SLC3A1: variants seen among roughly 807,000 people sequenced by gnomAD.
SLC3A1 encodes the protein solute carrier family 3 member 1, also known as amino acid transporter heavy chain SLC3A1.
Under a neutral mutation model 60.3 loss-of-function variants are expected in SLC3A1, and 78 were observed. The observed-to-expected ratio is 1.29, with a 90% CI of 1.08 to 1.56. The LOEUF is 1.56. Ranked by LOEUF, SLC3A1 falls within the 40% of genes most tolerant of loss-of-function variation. The probability of loss-of-function intolerance (pLI) is 0.00; values close to 1 mark genes in which losing one functional copy is unlikely to be tolerated. For missense variants in SLC3A1, 1,172 were observed against 858.9 expected (o/e 1.36, Z -4.56); for synonymous variants, 392 against 307.9 (o/e 1.27, Z -2.86).
At chr2:44,322,033 A>G (rs1673014122), downstream of SLC3A1, 2 of 859,640 alleles carry the variant, frequency 2.3e-6, no homozygotes, top group African/African-American at 3.4e-5. Context: ...AAAAACCACC[A>G]TCATCAACAA....
At chr2:44,293,660 G>A (rs2104352922) in intron 4 of SLC3A1, among the ~76,000 whole-genome samples, 1 of 152,330 alleles carries the variant, frequency 6.6e-6, no homozygotes, top group African/African-American at 2.4e-5. Context: ...GGTAAGGTGA[G>A]CAAGAGGGCC....
In SLC3A1 at chr2:44,314,117, T is replaced by C; in HGVS notation, c.1617+166T>C. ...TTGTAAGGAGTTTGTAAATCATGCC[T>C]TTGTGAAAATACAAACTGGTACAAA... is the stretch of plus-strand genomic sequence containing the variant. On this transcript the variant is annotated intron_variant, in intron 9 of 9. Transcript: ENST00000260649. The C allele has an allele frequency of 2.0e-6, 3 of 1,486,942 alleles. No individual in the cohort carries two copies. The South Asian group carries it at 3.7e-5, about 18-fold the overall frequency. The allele number at this position is 1,486,942 out of a possible 1,614,324, so 92.1% of individuals were successfully genotyped here. A position where few individuals can be genotyped will look rare whatever the true frequency, so the allele number is the denominator to read the frequency against.
At chr2:44,290,162 C>T (rs1671710363) in intron 4 of SLC3A1, among the ~76,000 whole-genome samples, 3 of 125,702 alleles carry the variant, frequency 2.4e-5, no homozygotes, top group South Asian at 2.5e-4. Flanking sequence ...TTCAGTTATT[C>T]CAATCACGTA....
At chr2:44,288,779 A>G (rs1023965520) in intron 4 of SLC3A1, among the ~76,000 whole-genome samples, 2 of 152,210 alleles carry the variant, frequency 1.3e-5, no homozygotes, top group Admixed American at 6.5e-5. Flanking sequence ...GTTCATTTGT[A>G]TATCTGCATT....
At chr2:44,286,886 G>A (rs1210739909) in intron 4 of SLC3A1, among the ~76,000 whole-genome samples, 3 of 152,130 alleles carry the variant, frequency 2.0e-5, no homozygotes, top group African/African-American at 7.2e-5. Flanking sequence ...AGGGAGGTGG[G>A]TCATTTGGGG....
At position 44,320,782 on chromosome 2, in the gene SLC3A1, G is replaced by C; in HGVS notation, c.*143G>C. On this transcript the variant is annotated 3_prime_UTR_variant, in exon 10 of 10. Transcript: ENST00000260649. The stretch of plus-strand genomic sequence containing the variant: ...GCTTGAATGTAACTGCTTTAAGAAA[G>C]GTTCTCAAATGTTTTGAAAAAAATA... 1.4e-6 allele frequency: 1 copy of C among 722,238 alleles called. No individual in the cohort carries two copies. The highest frequency in any genetic ancestry group is 1.6e-5 in the South Asian group (1 of 61,776). 44.7% of individuals were successfully genotyped at this position (722,238 alleles called of 1,614,324 possible). A position where few individuals can be genotyped will look rare whatever the true frequency, so the allele number is the denominator to read the frequency against.
chr2:44,283,587 T>G (rs986288379), intron 3 of SLC3A1, among the ~76,000 whole-genome samples: 1 of 152,196 alleles, frequency 6.6e-6, no homozygotes, highest in Non-Finnish European at 1.5e-5. Flanking sequence ...TTTTAAAAAT[T>G]GCTGCCATAC....
intron 7 of SLC3A1, among the ~76,000 whole-genome samples, chr2:44,304,902 G>C (rs1672115397): frequency 7.2e-6 from 1 of 138,130 alleles, no homozygotes; most frequent in Non-Finnish European, 1.5e-5. Context: ...GCTCACTGCA[G>C]CCTCGACCTC....
At chr2:44,317,896 CAAAA>C in intron 9 of SLC3A1, 1 of 221,836 alleles carries the variant, frequency 4.5e-6, no homozygotes, top group Admixed American at 5.6e-5. Flanking sequence ...ACTCAGATAA[CAAAA>C]ACAGACATAA....
intron 9 of SLC3A1, chr2:44,317,548 T>C (rs1672525934): frequency 1.3e-5 from 2 of 152,286 alleles, no homozygotes; most frequent in African/African-American, 2.4e-5. Flanking sequence ...ATATAGAACA[T>C]TTCCAGCATT....
intron 3 of SLC3A1, among the ~76,000 whole-genome samples, chr2:44,283,439 C>T (rs73924295): frequency 0.013 from 1,978 of 152,278 alleles, 19 homozygotes; most frequent in Middle Eastern, 0.034. Context: ...GTTTTATATT[C>T]ATTAATTTAG....
chr2:44,284,449 A>G (rs1402399709), intron 3 of SLC3A1, among the ~76,000 whole-genome samples: 1 of 152,200 alleles, frequency 6.6e-6, no homozygotes, highest in Admixed American at 6.5e-5. Context: ...GCTCTACAGG[A>G]TAGTGTCAAA....
chr2:44,301,379 T>A, intron 6 of SLC3A1: 1 of 605,804 alleles, frequency 1.7e-6, no homozygotes, highest in Non-Finnish European at 2.9e-6. Context: ...TTTGTGAAAA[T>A]TAGGTTAATG....
rs142431533 is a variant in SLC3A1 at position 44,304,494 on chromosome 2, G to C, written c.1332+156G>C. 5.2e-3 allele frequency among the ~76,000 whole-genome samples: 786 copies of C among 152,270 alleles called. 2 individuals carry two copies. The highest frequency in any genetic ancestry group is 0.021 in the South Asian group (103 of 4,830). On this transcript the variant is annotated intron_variant, in intron 7 of 9. Coordinates refer to ENST00000260649, the MANE Select transcript of SLC3A1 (RefSeq NM_000341.4). ...TCAGGCCTGTCACAGCCTCTGCCAG[G>C]TTCTTTTCATTAAGGGAGGGAGACT...
chr2:44,312,781 T>TCACAGCTATAAAACCAA, intron 8 of SLC3A1, 28 bp downstream of exon 8: 1 of 1,592,530 alleles, frequency 6.3e-7, no homozygotes, highest in South Asian at 1.1e-5. Context: ...TGACTATTCA[T>TCACAGCTATAAAACCAA]CACAGCTATA....
chr2:44,302,582 T>A (rs906633445), intron 6 of SLC3A1, among the ~76,000 whole-genome samples: 1 of 152,220 alleles, frequency 6.6e-6, no homozygotes, highest in African/African-American at 2.4e-5. Flanking sequence ...CATGCACTTA[T>A]CCATAAATAT....
At chr2:44,312,980 G>A (rs1672337323) in intron 8 of SLC3A1, among the ~76,000 whole-genome samples, 2 of 150,744 alleles carry the variant, frequency 1.3e-5, no homozygotes, top group South Asian at 4.2e-4. Context: ...TCTTGGGTAG[G>A]GCATTTTAAA....
chr2:44,290,079 T>G (rs1671708067), intron 4 of SLC3A1, among the ~76,000 whole-genome samples: 1 of 152,114 alleles, frequency 6.6e-6, no homozygotes, highest in Admixed American at 6.6e-5. Flanking sequence ...CTGTGATCCA[T>G]TTTTTGTTAA....
downstream of SLC3A1, chr2:44,322,039 A>C (rs958600246): frequency 2.1e-5 from 17 of 826,342 alleles, no homozygotes; most frequent in African/African-American, 2.8e-4. Context: ...CACCATCATC[A>C]ACAAAAAGAT....
Sources: allele counts gnomAD v4.1 joint callset (sites outside exome capture counted in the v4.1 genomes callset), GRCh38; gene constraint gnomAD v4.1.1; transcripts MANE v1.5; gene names NCBI Gene and HGNC (gene_info 2026-07-23, HGNC 2026-07-21).